Variants in ZNF7 observed in about 807,000 individuals in gnomAD.
ZNF7 encodes the protein C2-H2 type zinc finger protein.
A neutral mutation model predicts 12.0 loss-of-function variants in ZNF7; 10 were observed. The ratio of observed to expected loss-of-function variants is 0.83; its 90% confidence interval spans 0.51 to 1.42. The LOEUF (loss-of-function observed/expected upper bound fraction) is 1.42. ZNF7 is among the 40% of genes most tolerant of loss of function. The pLI is 0.00. For synonymous variants in ZNF7, 334 were observed against 295.0 expected (o/e 1.13, Z -1.35); for missense variants, 854 against 837.2 (o/e 1.02, Z -0.25).
intron 1 of ZNF7, 28 bp from the exon 2 acceptor site, chr8:144,829,015 C>T (rs901935843): frequency 6.8e-6 from 11 of 1,609,972 alleles, no homozygotes; most frequent in South Asian, 2.2e-5. Context: ...GGCACCTTGA[C>T]CTCTAATCCT....
intron 1 of ZNF7, among the ~76,000 whole-genome samples, chr8:144,828,279 A>T (rs1306685386): frequency 6.6e-6 from 1 of 152,148 alleles, no homozygotes; most frequent in Non-Finnish European, 1.5e-5. Flanking sequence ...AATTGAGGTG[A>T]ACGATTTATA....
In ZNF7 at chr8:144,843,302, A is replaced by ACTT. The variant is rs1265597401; in HGVS notation, c.*136_*138dup. ...TCAGAATTGCTCTCAAGAATATCCA[A>ACTT]CTTCAGGCCGAGTGTGGTGGCTTAT... On this transcript the variant is annotated 3_prime_UTR_variant, in exon 5 of 5. Coordinates refer to ENST00000532777, the MANE Select transcript of ZNF7 (RefSeq NM_003416.4). 1 of 1,160,918 alleles carries ACTT rather than the reference A, an allele frequency of 8.6e-7. No homozygotes were observed. The highest frequency in any genetic ancestry group is 1.6e-5 in the African/African-American group (1 of 64,178). The allele number at this position is 1,160,918 out of a possible 1,614,324, so 71.9% of individuals were successfully genotyped here.
chr8:144,843,891 A>G (rs1830323434), downstream of ZNF7: 1 of 152,256 alleles, frequency 6.6e-6, no homozygotes, highest in Non-Finnish European at 1.5e-5. Flanking sequence ...AGGAGTGCCT[A>G]GAATTCCAAC....
intron 4 of ZNF7, 61 bp from the exon 5 acceptor site, chr8:144,841,294 T>C: frequency 1.3e-6 from 2 of 1,509,242 alleles, no homozygotes. Context: ...CCCGCATTTG[T>C]AGTCTTATCA....
At chr8:144,847,059 T>A (rs1830550969), downstream of ZNF7, 1 of 152,254 alleles carries the variant, frequency 6.6e-6, no homozygotes, top group African/African-American at 2.4e-5. Context: ...ATGGGGCAGC[T>A]TGCTGAGAGC....
downstream of ZNF7, among the ~76,000 whole-genome samples, chr8:144,845,653 C>A (rs1341097434): frequency 6.6e-6 from 1 of 152,214 alleles, no homozygotes; most frequent in Non-Finnish European, 1.5e-5. Context: ...TGTAAGACCT[C>A]AACCCTGTCT....
At chr8:144,837,051 C>T in intron 3 of ZNF7, 1 of 196,612 alleles carries the variant, frequency 5.1e-6, no homozygotes, top group Non-Finnish European at 1.0e-5. Context: ...AGGGACAGGC[C>T]CGGTTCTGCT....
At position 144,842,918 on chromosome 8, in the gene ZNF7, C is replaced by G. The variant is rs1830138939; in HGVS notation, c.1811C>G (p.Thr604Ser). The G allele has an allele frequency of 2.5e-6, 4 of 1,614,056 alleles. No individual in the cohort carries two copies. Among genetic ancestry groups the G allele is most frequent in the Non-Finnish European group, 3.4e-6 (4 of 1,180,034 alleles). ...SYLIEHQRIH[T>S]RAQWFYEYGN... is the part of the protein sequence containing the mutation. ...CTTATTGAACACCAGAGAATACACACTAGGGCCCAGTGGTTTTACGAATAT... is the reference window on the plus strand; with the variant it reads ...CTTATTGAACACCAGAGAATACACAGTAGGGCCCAGTGGTTTTACGAATAT... Residue 604 changes from threonine (T) to serine (S), a missense_variant, in exon 5 of 5, where the codon ACT becomes AGT. Thr to Ser is a moderately conservative substitution (Grantham distance 58). Coordinates refer to ENST00000532777, the MANE Select transcript of ZNF7 (RefSeq NM_003416.4).
chr8:144,829,246 C>G (rs1340963000), intron 2 of ZNF7, 156 bp downstream of exon 2: 5 of 1,542,796 alleles, frequency 3.2e-6, no homozygotes, highest in African/African-American at 2.7e-5. Flanking sequence ...AAACCCCTGC[C>G]CAAACCAGGG....
chr8:144,833,215 A>C (rs1454005087), intron 3 of ZNF7, among the ~76,000 whole-genome samples: 1 of 150,626 alleles, frequency 6.6e-6, no homozygotes, highest in African/African-American at 2.5e-5. Flanking sequence ...AAAAAAAAAA[A>C]GACTATCTCC....
At chr8:144,841,087 T>G (rs1189647347) in intron 4 of ZNF7, 4 of 446,610 alleles carry the variant, frequency 9.0e-6, no homozygotes, top group Non-Finnish European at 1.6e-5. Flanking sequence ...CACCAGTGCC[T>G]GTAGGATGGA....
Position 144,829,596 on chromosome 8 carries a change from C to T in ZNF7, c.122C>T (p.Ala41Val). ...ATGCTGGAGAACCACAGCAGTGTGGCTGGACTAGGTGAGGCTGCACCTTGG... is the reference window on the plus strand; with the variant it reads ...ATGCTGGAGAACCACAGCAGTGTGGTTGGACTAGGTGAGGCTGCACCTTGG... ...EVMLENHSSV[A>V]GLAGFLVFKP... Residue 41 changes from alanine to valine, a missense_variant, in exon 3 of 5, where the codon GCT (alanine) becomes GTT (valine). Transcript: ENST00000532777. 1.2e-6 allele frequency: 2 copies of T among 1,610,732 alleles called. No homozygotes were observed. Among genetic ancestry groups the T allele is most frequent in the Non-Finnish European group, 1.7e-6 (2 of 1,177,560 alleles).
chr8:144,844,531 A>T (rs1830383568), downstream of ZNF7, among the ~76,000 whole-genome samples: 2 of 151,998 alleles, frequency 1.3e-5, no homozygotes, highest in Non-Finnish European at 2.9e-5. Flanking sequence ...TAACACAGTG[A>T]AACCCCGTGT....
At chr8:144,830,534 C>G (rs1363758430) in intron 3 of ZNF7, among the ~76,000 whole-genome samples, 3 of 152,282 alleles carry the variant, frequency 2.0e-5, no homozygotes, top group Non-Finnish European at 4.4e-5. Flanking sequence ...TTCATTCTGT[C>G]TAAGATGCCT....
downstream of ZNF7, among the ~76,000 whole-genome samples, chr8:144,844,313 C>T (rs891464675): frequency 3.3e-4 from 50 of 152,334 alleles, no homozygotes; most frequent in African/African-American, 7.5e-4. Context: ...CACCCGTGTG[C>T]GCACAGGCCC....
rs867172989 is a variant in ZNF7 at position 144,841,657 on chromosome 8, C to T, written c.550C>T (p.Leu184Phe). The T allele has an allele frequency of 1.1e-5, 18 of 1,614,174 alleles. No homozygotes were observed. The Middle Eastern group carries it at 3.0e-3, about 266-fold the overall frequency. Residue 184 changes from leucine (L) to phenylalanine (F), a missense_variant, in exon 5 of 5, where the codon CTT (leucine) becomes TTT (phenylalanine). By Grantham distance (22) the Leu-to-Phe change is conservative. Coordinates refer to ENST00000532777, the MANE Select transcript of ZNF7 (RefSeq NM_003416.4). ...AAGCAGCGGCCTGGATTGTCAGCCTCTTGAAAGTCAGGGAGAGAGTGCGGA... is the reference window on the plus strand; with the variant it reads ...AAGCAGCGGCCTGGATTGTCAGCCTTTTGAAAGTCAGGGAGAGAGTGCGGA... Reference protein sequence around the residue: ...LGSSGLDCQPLESQGESAEGM... With the variant: ...LGSSGLDCQPFESQGESAEGM...
chr8:144,841,739 T>A lies in ZNF7; in HGVS notation c.632T>A (p.Ile211Asn). 1 of 1,614,130 alleles carries A rather than the reference T, an allele frequency of 6.2e-7. No homozygotes were observed. Among genetic ancestry groups the A allele is most frequent in the Non-Finnish European group, 8.5e-7 (1 of 1,180,028 alleles). Residue 211 changes from isoleucine (I) to asparagine (N), a missense_variant, in exon 5 of 5, where the codon ATC becomes AAC. Ile to Asn is a moderately radical substitution (Grantham distance 149). Transcript: ENST00000532777. ...AAAGGCATCAGAGCCACTTCAGATA[T>A]CGCTCTGCATTGGGAAATTAATACA... The part of the protein sequence containing the change: ...CGKGIRATSD[I>N]ALHWEINTQK...
intron 4 of ZNF7, among the ~76,000 whole-genome samples, chr8:144,840,313 A>T (rs956551702): frequency 6.6e-6 from 1 of 152,198 alleles, no homozygotes; most frequent in South Asian, 2.1e-4. Context: ...TCCAGGACTG[A>T]TAGGAAGACC....
At chr8:144,846,442 C>G (rs1358277945), downstream of ZNF7, 1 of 367,380 alleles carries the variant, frequency 2.7e-6, no homozygotes, top group East Asian at 4.5e-5. Flanking sequence ...CTTGGTGATG[C>G]CCAAGCGTCT....
Sources: gnomAD v4.1 joint callset for allele counts (sites outside exome capture counted in the v4.1 genomes callset) on GRCh38, gnomAD v4.1.1 for gene constraint, MANE v1.5 for transcripts, NCBI Gene and HGNC (gene_info 2026-07-23, HGNC 2026-07-21) for gene names.